Variants in PTTG1IP2 observed in about 807,000 individuals in gnomAD.
PTTG1IP2 encodes PTTG1IP family member 2.
chr7:90,478,213 A>G (rs574632578), intron 1 of PTTG1IP2, among the ~76,000 whole-genome samples: 1 of 152,308 alleles, frequency 6.6e-6, no homozygotes, highest in African/African-American at 2.4e-5. Flanking sequence ...ATACAAAAAT[A>G]AAAACTTTAG....
chr7:90,501,553 C>T (rs1281249288), intron 6 of PTTG1IP2, among the ~76,000 whole-genome samples: 6 of 152,124 alleles, frequency 3.9e-5, no homozygotes, highest in Admixed American at 3.3e-4. Context: ...ACCTGTGGTA[C>T]TAGCTACTTG....
At chr7:90,497,359 T>G in intron 6 of PTTG1IP2, among the ~76,000 whole-genome samples, 1 of 151,814 alleles carries the variant, frequency 6.6e-6, no homozygotes, top group Admixed American at 6.6e-5. Context: ...GGTCAGGAGA[T>G]CGAGACCATC....
intron 6 of PTTG1IP2, among the ~76,000 whole-genome samples, chr7:90,507,006 G>A (rs1408103093): frequency 2.0e-5 from 3 of 152,124 alleles, no homozygotes; most frequent in Non-Finnish European, 2.9e-5. Context: ...TGGGTCACTC[G>A]ATATATTCCT....
At chr7:90,478,327 G>A (rs1205354080) in intron 1 of PTTG1IP2, among the ~76,000 whole-genome samples, 1 of 152,166 alleles carries the variant, frequency 6.6e-6, no homozygotes, top group Admixed American at 6.5e-5. Context: ...CCTGAGGCCA[G>A]CTGTCCTTCA....
chr7:90,490,434 G>GAA (rs74273143), intron 4 of PTTG1IP2, among the ~76,000 whole-genome samples: 90 of 129,024 alleles, frequency 7.0e-4, no homozygotes, highest in African/African-American at 2.2e-3. Flanking sequence ...AGTGCTTGCA[G>GAA]AAAAAAAAAA....
chr7:90,499,049 A>G (rs1298369696), intron 6 of PTTG1IP2, among the ~76,000 whole-genome samples: 1 of 152,044 alleles, frequency 6.6e-6, no homozygotes, highest in African/African-American at 2.4e-5. Context: ...ATGGGATTTC[A>G]CTATATTGCC....
chr7:90,493,255 A>G (rs1011748569), intron 5 of PTTG1IP2, among the ~76,000 whole-genome samples: 1 of 152,196 alleles, frequency 6.6e-6, no homozygotes, highest in African/African-American at 2.4e-5. Context: ...AATCTGGATG[A>G]GAAACAGGGT....
At chr7:90,499,772 C>T (rs921089019) in intron 6 of PTTG1IP2, among the ~76,000 whole-genome samples, 1 of 151,888 alleles carries the variant, frequency 6.6e-6, no homozygotes, top group Non-Finnish European at 1.5e-5. Flanking sequence ...TTAGTAGAAA[C>T]GGGTTTCATC....
At chr7:90,478,114 A>AT (rs1435496605) in intron 1 of PTTG1IP2, among the ~76,000 whole-genome samples, 25 of 151,178 alleles carry the variant, frequency 1.7e-4, no homozygotes, top group African/African-American at 4.9e-4. Flanking sequence ...AAAAAAAAAA[A>AT]AAGAAAAAGA....
intron 6 of PTTG1IP2, among the ~76,000 whole-genome samples, chr7:90,510,724 A>G (rs928038104): frequency 6.6e-6 from 1 of 152,238 alleles, no homozygotes; most frequent in Non-Finnish European, 1.5e-5. Context: ...AGGCAATGTA[A>G]AAAAGCAAAT....
intron 2 of PTTG1IP2, among the ~76,000 whole-genome samples, chr7:90,482,926 A>G (rs1489560284): frequency 6.6e-6 from 1 of 152,146 alleles, no homozygotes; most frequent in Admixed American, 6.6e-5. Flanking sequence ...TACTTTATCT[A>G]TTGCACAGTT....
intron 1 of PTTG1IP2, among the ~76,000 whole-genome samples, chr7:90,472,629 C>T (rs994135753): frequency 6.6e-6 from 1 of 152,182 alleles, no homozygotes; most frequent in African/African-American, 2.4e-5. Context: ...GCTCTGGTAG[C>T]TGCCTCATTC....
At chr7:90,508,110 A>C (rs1032381428) in intron 6 of PTTG1IP2, among the ~76,000 whole-genome samples, 2 of 151,584 alleles carry the variant, frequency 1.3e-5, no homozygotes, top group Non-Finnish European at 2.9e-5. Context: ...AAATACAAAA[A>C]AAATTTAGCC....
chr7:90,500,025 G>A (rs1798044733), intron 6 of PTTG1IP2, among the ~76,000 whole-genome samples: 1 of 152,022 alleles, frequency 6.6e-6, no homozygotes, highest in African/African-American at 2.4e-5. Context: ...ACTAGCCTGG[G>A]CAACATGGTG....
intron 2 of PTTG1IP2, among the ~76,000 whole-genome samples, chr7:90,485,969 C>T (rs1797870593): frequency 6.6e-6 from 1 of 152,166 alleles, no homozygotes; most frequent in Non-Finnish European, 1.5e-5. Flanking sequence ...TTTCGGCAAC[C>T]GTCCAGGAGG....
intron 2 of PTTG1IP2, among the ~76,000 whole-genome samples, chr7:90,480,771 T>A (rs973066921): frequency 6.6e-6 from 1 of 152,182 alleles, no homozygotes; most frequent in Non-Finnish European, 1.5e-5. Flanking sequence ...GCCTTAAGTA[T>A]CTTTTAATCT....
At chr7:90,474,296 T>C (rs1286188590) in intron 1 of PTTG1IP2, among the ~76,000 whole-genome samples, 1 of 152,180 alleles carries the variant, frequency 6.6e-6, no homozygotes, top group African/African-American at 2.4e-5. Context: ...CTATATGCAG[T>C]CTGTTGACCA....
chr7:90,491,533 GA>G (rs1396921294), intron 4 of PTTG1IP2, among the ~76,000 whole-genome samples: 1 of 151,700 alleles, frequency 6.6e-6, no homozygotes, highest in Non-Finnish European at 1.5e-5. Flanking sequence ...CAAGGCAGGA[GA>G]ATCGCTTGAA....
At chr7:90,502,271 C>G (rs909144805) in intron 6 of PTTG1IP2, among the ~76,000 whole-genome samples, 2 of 152,208 alleles carry the variant, frequency 1.3e-5, no homozygotes, top group Non-Finnish European at 1.5e-5. Context: ...CCACAGCTTC[C>G]CAAGTAGCTG....
Sources: gnomAD v4.1 joint callset for allele counts (sites outside exome capture counted in the v4.1 genomes callset) on GRCh38, gnomAD v4.1.1 for gene constraint, MANE v1.5 for transcripts, NCBI Gene and HGNC (gene_info 2026-07-23, HGNC 2026-07-21) for gene names.